The following ZMYM5 variants were observed in gnomAD, a reference collection of about 807,000 sequenced individuals.
ZMYM5 encodes the protein zinc finger MYM-type containing 5.
Under a neutral mutation model 61.8 loss-of-function variants are expected in ZMYM5, and 41 were observed. The ratio of observed to expected loss-of-function variants is 0.66; its 90% CI spans 0.52 to 0.86. The LOEUF (loss-of-function observed/expected upper bound fraction) is 0.86, where lower values mean the gene tolerates loss of function less well. Among genes scored for constraint, ZMYM5 ranks in the 40% least tolerant of loss-of-function variants. ZMYM5 has a pLI of 0.00. For missense variants in ZMYM5, 706 were observed against 786.7 expected (o/e 0.90, Z 1.23); for synonymous variants, 257 against 276.4 (o/e 0.93, Z 0.70).
intron 4 of ZMYM5, chr13:19,841,875 G>A (rs1952890233): frequency 6.6e-6 from 1 of 151,990 alleles, no homozygotes. Flanking sequence ...GGAGTGCAGG[G>A]GCGTGATCTC....
chr13:19,838,502 C>T (rs1427999433), intron 5 of ZMYM5, among the ~76,000 whole-genome samples, 198 bp downstream of exon 5: 1 of 152,096 alleles, frequency 6.6e-6, no homozygotes, highest in Admixed American at 6.6e-5. Context: ...ACCTATGTTC[C>T]ATTTTTCTGC....
At chr13:19,855,302 G>A (rs575441901) in intron 2 of ZMYM5, among the ~76,000 whole-genome samples, 4 of 150,624 alleles carry the variant, frequency 2.7e-5, no homozygotes, top group African/African-American at 9.8e-5. Context: ...TCGCTCTGTC[G>A]CCCAGGCTGG....
intron 2 of ZMYM5, among the ~76,000 whole-genome samples, chr13:19,853,054 A>AGTTTGT (rs1953372873): frequency 6.6e-6 from 1 of 152,068 alleles, no homozygotes; most frequent in Non-Finnish European, 1.5e-5. Flanking sequence ...GTCTCACTAC[A>AGTTTGT]TTGCCCAGGC....
chr13:19,832,868 C>T (rs35441058), intron 7 of ZMYM5, among the ~76,000 whole-genome samples: 1 of 146,302 alleles, frequency 6.8e-6, no homozygotes. Context: ...GGAGCTAGAA[C>T]TACGAGTGTA....
chr13:19,860,843 A>G (rs1262819600), intron 2 of ZMYM5, among the ~76,000 whole-genome samples: 2 of 151,444 alleles, frequency 1.3e-5, no homozygotes, highest in Non-Finnish European at 2.9e-5. Flanking sequence ...AATCTCAAGA[A>G]ATAAAGGAAA....
chr13:19,829,510 T>C, intron 7 of ZMYM5, among the ~76,000 whole-genome samples: 1 of 152,084 alleles, frequency 6.6e-6, no homozygotes, highest in Non-Finnish European at 1.5e-5. Flanking sequence ...AGGTTGGTCT[T>C]GAACTCCTGG....
chr13:19,856,302 G>A (rs1456018856), intron 2 of ZMYM5, among the ~76,000 whole-genome samples: 1 of 152,132 alleles, frequency 6.6e-6, no homozygotes, highest in South Asian at 2.1e-4. Flanking sequence ...GAGTGGACAT[G>A]CAAATCCCTG....
Position 19,848,471 on chromosome 13 carries a change from T to G in ZMYM5, c.586+2884A>C, listed in dbSNP as rs928792933. On this transcript the variant is annotated intron_variant, in intron 4 of 7. Coordinates refer to ENST00000337963, the MANE Select transcript of ZMYM5 (RefSeq NM_001142684.2). ...CATTATTATTATTTTTTAAAGACAT[T>G]AGGTCTTGCTATGTTGCCCAGACTG... 3.3e-5 allele frequency among the ~76,000 whole-genome samples: 5 copies of G among 152,066 alleles called. No homozygotes were observed. In the East Asian group the frequency reaches 5.8e-4, roughly 18 times the overall value.
At chr13:19,832,299 A>G (rs902229636) in intron 7 of ZMYM5, among the ~76,000 whole-genome samples, 2 of 151,832 alleles carry the variant, frequency 1.3e-5, no homozygotes, top group African/African-American at 4.8e-5. Flanking sequence ...TTAACTTAGC[A>G]AGAACTCAGA....
intron 6 of ZMYM5, chr13:19,837,327 T>C (rs1251274256): frequency 2.1e-6 from 2 of 962,318 alleles, no homozygotes; most frequent in Non-Finnish European, 2.7e-6. Context: ...CCCCAAGGGG[T>C]AGTTTTCCAG....
At chr13:19,849,702 G>A (rs761955886) in intron 4 of ZMYM5, among the ~76,000 whole-genome samples, 2 of 152,166 alleles carry the variant, frequency 1.3e-5, no homozygotes, top group East Asian at 1.9e-4. Context: ...AAAGTTGGCC[G>A]GGCGCGGTGG....
intron 4 of ZMYM5, among the ~76,000 whole-genome samples, chr13:19,842,527 G>C (rs1449899994): frequency 6.6e-6 from 1 of 150,496 alleles, no homozygotes; most frequent in South Asian, 2.1e-4. Context: ...CAAGTAAAAA[G>C]AAAATTTAAG....
chr13:19,861,156 C>T (rs1953746240), intron 2 of ZMYM5, among the ~76,000 whole-genome samples: 1 of 151,776 alleles, frequency 6.6e-6, no homozygotes, highest in Non-Finnish European at 1.5e-5. Context: ...GCCACTTTAC[C>T]CATTTTTTTT....
At chr13:19,859,080 C>T (rs1433697383) in intron 2 of ZMYM5, among the ~76,000 whole-genome samples, 1 of 151,790 alleles carries the variant, frequency 6.6e-6, no homozygotes, top group African/African-American at 2.4e-5. Context: ...TGCAGTGAGC[C>T]GAGATCACGC....
At chr13:19,832,527 A>G (rs1301175516) in intron 7 of ZMYM5, among the ~76,000 whole-genome samples, 1 of 151,964 alleles carries the variant, frequency 6.6e-6, no homozygotes, top group Non-Finnish European at 1.5e-5. Flanking sequence ...GGGTTTCACT[A>G]TGTTGGCCAG....
intron 7 of ZMYM5, among the ~76,000 whole-genome samples, chr13:19,835,069 T>C (rs1385466074): frequency 6.6e-6 from 1 of 151,824 alleles, no homozygotes; most frequent in Non-Finnish European, 1.5e-5. Flanking sequence ...TAGTTCACTG[T>C]AGCCTCAATC....
chr13:19,849,117 C>CTAAAACTTATATATACA (rs1391680138), intron 4 of ZMYM5, among the ~76,000 whole-genome samples: 23 of 152,028 alleles, frequency 1.5e-4, no homozygotes, highest in Non-Finnish European at 2.4e-4. Flanking sequence ...TTTGTGGTTA[C>CTAAAACTTATATATACA]TAAAACTTAT....
At chr13:19,829,566 C>A (rs551183560) in intron 7 of ZMYM5, among the ~76,000 whole-genome samples, 84 of 152,224 alleles carry the variant, frequency 5.5e-4, no homozygotes, top group African/African-American at 2.0e-3. Flanking sequence ...GCTGGGATTA[C>A]AGACATAAGC....
rs1237704693 is a variant in ZMYM5, at chr13:19,857,690, C to T, written c.-11+4709G>A. ...CTTGAGGCCAGGAGTTCAAGACCAA[C>T]TTGGGCAACAAACTGAGAACTCATC... On this transcript the variant is annotated intron_variant, in intron 2 of 7. Transcript: ENST00000337963. Among the ~76,000 whole-genome samples, 4 of 151,882 alleles carry T rather than the reference C, an allele frequency of 2.6e-5. No individual in the cohort carries two copies. The South Asian group carries it at 6.3e-4, about 24-fold the overall frequency.
Sources: allele counts gnomAD v4.1 joint callset (sites outside exome capture counted in the v4.1 genomes callset), GRCh38; gene constraint gnomAD v4.1.1; transcripts MANE v1.5; gene names NCBI Gene and HGNC (gene_info 2026-07-23, HGNC 2026-07-21).